PARK7: variants seen among roughly 807,000 people sequenced by gnomAD.
PARK7 encodes Parkinson disease protein 7.
In PARK7, 14 loss-of-function variants were observed where a neutral mutation model predicts 20.5. The ratio of observed to expected loss-of-function variants is 0.68; its 90% CI spans 0.45 to 1.07. PARK7 has a LOEUF of 1.07. Among genes scored for constraint, PARK7 ranks in the 50% least tolerant of loss-of-function variants. The pLI, the probability that PARK7 is intolerant of heterozygous loss-of-function variation, is 0.00. For missense variants in PARK7, 234 were observed against 238.1 expected (o/e 0.98, Z 0.11); for synonymous variants, 98 against 84.3 (o/e 1.16, Z -0.89).
Position 7,965,415 on chromosome 1 carries a change from C to CA in PARK7, c.189dup (p.Glu64ArgfsTer5), listed in dbSNP as rs759703272. The CA allele has an allele frequency of 1.2e-6, 2 of 1,613,632 alleles. No individual in the cohort carries two copies. Among genetic ancestry groups the CA allele is most frequent in the Non-Finnish European group, 1.7e-6 (2 of 1,179,792 alleles). ...TGTCCTGATGCCAGCCTTGAAGATGCAAAAAAAGAGGTTTGTAATCCATAC... is the reference window on the plus strand; with the variant it reads ...TGTCCTGATGCCAGCCTTGAAGATGCAAAAAAAAGAGGTTTGTAATCCATAC... On this transcript the variant is annotated frameshift_variant, in exon 3 of 7. Transcript: ENST00000338639. LOFTEE classifies it high-confidence loss of function.
intron 4 of PARK7, among the ~76,000 whole-genome samples, 186 bp from the exon 5 acceptor site, chr1:7,970,708 G>C (rs1169251321): frequency 6.6e-6 from 1 of 152,122 alleles, no homozygotes; most frequent in Admixed American, 6.6e-5. Context: ...TGCCTTGCTT[G>C]GGTTTAAGAA....
At chr1:7,977,560 C>T in intron 5 of PARK7, 92 bp from the exon 6 acceptor site, 2 of 1,130,340 alleles carry the variant, frequency 1.8e-6, no homozygotes, top group South Asian at 1.3e-5. Context: ...GCTGGGATTA[C>T]AGGCATGAGC....
chr1:7,968,016 T>C (rs755923706), intron 3 of PARK7, among the ~76,000 whole-genome samples: 1 of 151,906 alleles, frequency 6.6e-6, no homozygotes, highest in Non-Finnish European at 1.5e-5. Flanking sequence ...TTTAAAGTAC[T>C]AAAGTATTGT....
intron 5 of PARK7, chr1:7,971,412 A>G (rs948671772): frequency 1.8e-5 from 4 of 220,304 alleles, no homozygotes; most frequent in Admixed American, 1.6e-4. Flanking sequence ...TTGTCTCAGT[A>G]CCGAGTGATC....
At chr1:7,972,344 T>C (rs1395813376) in intron 5 of PARK7, among the ~76,000 whole-genome samples, 1 of 152,070 alleles carries the variant, frequency 6.6e-6, no homozygotes, top group African/African-American at 2.4e-5. Flanking sequence ...ACTGCATGCA[T>C]GTAGTCCCAG....
At chr1:7,974,753 T>C (rs906675299) in intron 5 of PARK7, among the ~76,000 whole-genome samples, 1 of 151,948 alleles carries the variant, frequency 6.6e-6, no homozygotes, top group Non-Finnish European at 1.5e-5. Context: ...AATGTGATGA[T>C]GAGCTGAGCT....
chr1:7,965,361 C>G lies in PARK7; in HGVS notation c.128C>G (p.Pro43Arg). ...VTVAGLAGKD[P>R]VQCSRDVVIC... ...GTTGCAGGCCTGGCTGGAAAAGACCCAGTACAGTGTAGCCGTGATGTGGTC... is the reference window on the plus strand; with the variant it reads ...GTTGCAGGCCTGGCTGGAAAAGACCGAGTACAGTGTAGCCGTGATGTGGTC... Residue 43 changes from proline to arginine, a missense_variant, in exon 3 of 7, where the codon CCA becomes CGA. Coordinates refer to ENST00000338639, the MANE Select transcript of PARK7 (RefSeq NM_007262.5). The G allele has an allele frequency of 6.2e-7, 1 of 1,614,160 alleles. No homozygotes were observed. Among genetic ancestry groups the G allele is most frequent in the Non-Finnish European group, 8.5e-7 (1 of 1,180,032 alleles).
At chr1:7,964,273 G>A (rs1490207489) in intron 2 of PARK7, among the ~76,000 whole-genome samples, 1 of 152,182 alleles carries the variant, frequency 6.6e-6, no homozygotes, top group Non-Finnish European at 1.5e-5. Context: ...AATGTCGTGA[G>A]TTAGATATCA....
intron 6 of PARK7, among the ~76,000 whole-genome samples, chr1:7,979,130 C>G (rs748188516): frequency 2.0e-5 from 3 of 152,112 alleles, no homozygotes; most frequent in South Asian, 4.1e-4. Flanking sequence ...CTGCTTTTGC[C>G]CTTGTAAACC....
intron 5 of PARK7, among the ~76,000 whole-genome samples, chr1:7,974,833 A>C (rs1374085828): frequency 1.3e-5 from 2 of 150,490 alleles, no homozygotes; most frequent in Non-Finnish European, 2.9e-5. Context: ...TAAATTGGCA[A>C]ACAGAAAAAT....
At chr1:7,969,799 C>CA (rs1223615087) in intron 4 of PARK7, among the ~76,000 whole-genome samples, 1 of 151,982 alleles carries the variant, frequency 6.6e-6, no homozygotes, top group Non-Finnish European at 1.5e-5. Context: ...AGTCTGGTCT[C>CA]AAACTCCTGA....
chr1:7,965,271 T>C (rs1184596725), intron 2 of PARK7, 53 bp from the exon 3 acceptor site: 1 of 1,497,268 alleles, frequency 6.7e-7, no homozygotes, highest in Non-Finnish European at 9.3e-7. Flanking sequence ...AAGACAGTGT[T>C]ACTCTGAATT....
intron 2 of PARK7, among the ~76,000 whole-genome samples, chr1:7,964,016 T>C (rs1190602621): frequency 6.6e-6 from 1 of 152,064 alleles, no homozygotes; most frequent in Non-Finnish European, 1.5e-5. Context: ...GGTTTCACCA[T>C]CTTGGCCAGG....
chr1:7,970,991 A>G (rs1640454098), intron 5 of PARK7, 28 bp downstream of exon 5: 1 of 1,613,294 alleles, frequency 6.2e-7, no homozygotes, highest in African/African-American at 1.3e-5. Flanking sequence ...CCTGTGTTGC[A>G]GCGTCATTGG....
chr1:7,964,554 G>A (rs1028829497), intron 2 of PARK7, among the ~76,000 whole-genome samples: 9 of 152,086 alleles, frequency 5.9e-5, no homozygotes, highest in Non-Finnish European at 1.3e-4. Context: ...TCTTGTGTAG[G>A]TTTCTTTGTG....
At chr1:7,976,015 G>T (rs225092) in intron 5 of PARK7, among the ~76,000 whole-genome samples, 2 of 152,000 alleles carry the variant, frequency 1.3e-5, no homozygotes, top group Non-Finnish European at 2.9e-5. Context: ...GAAACTGACA[G>T]CTGATATTAG....
rs1219596297 is a variant in PARK7 at position 7,984,364 on chromosome 1, G to A, written c.410-530G>A. ...AGCCAACCGGCGGGCCTGGAGGTGC[G>A]GGGATGCGGAAGGAAAGTAGTCCTT... On this transcript the variant is annotated intron_variant, in intron 6 of 6. Transcript: ENST00000338639. The surrounding 1 kb of genome is among the most constrained non-coding windows in gnomAD (Gnocchi z 4.3). 1.3e-5 allele frequency among the ~76,000 whole-genome samples: 2 copies of A among 152,126 alleles called. No homozygotes were observed. Among genetic ancestry groups the A allele is most frequent in the African/African-American group, 2.4e-5 (1 of 41,394 alleles).
intron 4 of PARK7, among the ~76,000 whole-genome samples, chr1:7,969,644 A>G (rs1026642592): frequency 1.8e-4 from 27 of 152,080 alleles, no homozygotes; most frequent in African/African-American, 5.5e-4. Context: ...GCAGTGGCAC[A>G]ATCTCGGCTC....
chr1:7,981,807 C>T (rs1306918291), intron 6 of PARK7, among the ~76,000 whole-genome samples: 9 of 151,280 alleles, frequency 5.9e-5, no homozygotes, highest in East Asian at 2.0e-4. Flanking sequence ...TACAGGTGCC[C>T]GCCACCACGC....
Sources: gnomAD v4.1 joint callset for allele counts (sites outside exome capture counted in the v4.1 genomes callset) on GRCh38, gnomAD v4.1.1 for gene constraint, Gnocchi (gnomAD v3.1) non-coding constraint, MANE v1.5 for transcripts, NCBI Gene and HGNC (gene_info 2026-07-23, HGNC 2026-07-21) for gene names.